The following KCNIP4 variants were observed in gnomAD, a reference collection of about 807,000 sequenced individuals.
KCNIP4 encodes potassium voltage-gated channel interacting protein 4.
KCNIP4 carries 12 observed loss-of-function variants against 34.0 expected under a neutral mutation model. That is an observed-to-expected ratio of 0.35 (90% confidence interval 0.23 to 0.57). KCNIP4 has a LOEUF of 0.57. Among genes scored for constraint, KCNIP4 ranks in the 20% least tolerant of loss-of-function variants. KCNIP4 has a pLI of 0.83. For missense variants in KCNIP4, 238 were observed against 311.7 expected, an observed-to-expected ratio of 0.76 and a Z score of 1.78; for synonymous variants, 124 against 102.2, an observed-to-expected ratio of 1.21 and a Z score of -1.29.
At chr4:20,769,533 A>G (rs968272100) in intron 3 of KCNIP4, among the ~76,000 whole-genome samples, 3 of 152,194 alleles carry the variant, frequency 2.0e-5, no homozygotes, top group Non-Finnish European at 4.4e-5. Context: ...AAAAAAGACA[A>G]TGGTGCCCTG....
chr4:21,731,326 A>G (rs1201188174), intron 1 of KCNIP4, among the ~76,000 whole-genome samples: 3 of 152,156 alleles, frequency 2.0e-5, no homozygotes, highest in African/African-American at 7.2e-5. Flanking sequence ...CTATACACAA[A>G]CGATATAGCA....
At chr4:21,404,086 A>T (rs1723767722) in intron 1 of KCNIP4, among the ~76,000 whole-genome samples, 1 of 151,900 alleles carries the variant, frequency 6.6e-6, no homozygotes, top group Non-Finnish European at 1.5e-5. Flanking sequence ...CTCCAAGCAC[A>T]CTCCCACCTG....
chr4:20,842,003 C>T (rs1719782712), intron 3 of KCNIP4, among the ~76,000 whole-genome samples: 1 of 152,126 alleles, frequency 6.6e-6, no homozygotes. Flanking sequence ...AAGAAGCTCC[C>T]TGCTCTAGTT....
chr4:20,779,551 C>A (rs1756663451), intron 3 of KCNIP4, among the ~76,000 whole-genome samples: 1 of 149,558 alleles, frequency 6.7e-6, no homozygotes, highest in Admixed American at 6.7e-5. Flanking sequence ...CTGGAACCTA[C>A]CTTACAAGTC....
chr4:21,472,735 C>CT (rs1730576344), intron 1 of KCNIP4, among the ~76,000 whole-genome samples: 1 of 151,580 alleles, frequency 6.6e-6, no homozygotes, highest in South Asian at 2.1e-4. Context: ...ATGCAGTCAG[C>CT]TAGATCTGTA....
chr4:20,757,421 G>C (rs1282657914), intron 4 of KCNIP4, among the ~76,000 whole-genome samples: 1 of 152,074 alleles, frequency 6.6e-6, no homozygotes, highest in Non-Finnish European at 1.5e-5. Context: ...GACTGTAAAA[G>C]ATCCCACTTA....
At chr4:20,732,595 C>G (rs1273282943) in intron 7 of KCNIP4, 86 bp downstream of exon 7, 1 of 816,614 alleles carries the variant, frequency 1.2e-6, no homozygotes, top group Non-Finnish European at 2.1e-6. Context: ...TTCCTTTGCT[C>G]TCTTTTGAAT....
intron 1 of KCNIP4, among the ~76,000 whole-genome samples, chr4:21,800,398 A>AT (rs1248884058): frequency 6.6e-6 from 1 of 152,158 alleles, no homozygotes; most frequent in Non-Finnish European, 1.5e-5. Flanking sequence ...CTTTACCATC[A>AT]TTTTCTTTCC....
chr4:21,059,882 T>C (rs1743763807), intron 1 of KCNIP4, among the ~76,000 whole-genome samples: 1 of 152,088 alleles, frequency 6.6e-6, no homozygotes, highest in African/African-American at 2.4e-5. Context: ...GGGTGAAGCG[T>C]TGACTGAAAC....
intron 1 of KCNIP4, among the ~76,000 whole-genome samples, chr4:21,111,826 C>T (rs762694228): frequency 3.3e-5 from 5 of 152,146 alleles, no homozygotes; most frequent in Non-Finnish European, 5.9e-5. Context: ...ACATGACCCA[C>T]GTCATGCCCA....
intron 1 of KCNIP4, among the ~76,000 whole-genome samples, chr4:21,095,708 T>C (rs192390152): frequency 6.9e-4 from 105 of 152,298 alleles, no homozygotes; most frequent in African/African-American, 2.4e-3. Flanking sequence ...TTTCTTTAGT[T>C]TTTCTTCTCC....
At chr4:21,425,017 A>G (rs902199414) in intron 1 of KCNIP4, among the ~76,000 whole-genome samples, 1 of 152,234 alleles carries the variant, frequency 6.6e-6, no homozygotes, top group Non-Finnish European at 1.5e-5. Flanking sequence ...TGTATTCAGT[A>G]CAGACATGAG....
chr4:21,378,108 ACTTAATAGC>A (rs1458308408), intron 1 of KCNIP4, among the ~76,000 whole-genome samples: 3 of 152,134 alleles, frequency 2.0e-5, no homozygotes, highest in Non-Finnish European at 4.4e-5. Context: ...TCTAGGTTAC[ACTTAATAGC>A]CTGCTGATTT....
chr4:21,361,640 G>A lies in KCNIP4; in HGVS notation c.62-478931C>T, dbSNP rs189855071. Among the ~76,000 whole-genome samples the A allele has an allele frequency of 1.7e-4, 26 of 151,342 alleles. 1 individual carries two copies. The highest frequency in any genetic ancestry group is 1.6e-3 in the Admixed American group (25 of 15,186). On this transcript the variant is annotated intron_variant, in intron 1 of 8. Coordinates refer to ENST00000382152, the MANE Select transcript of KCNIP4 (RefSeq NM_025221.6). Reference sequence around the variant, plus strand: ...GAGAACTAGTTACAATTTTTAAGCTGTCTGGAATCTTAAATCCTAAAGTCT... The same window carrying A: ...GAGAACTAGTTACAATTTTTAAGCTATCTGGAATCTTAAATCCTAAAGTCT...
rs141959590 is a variant in KCNIP4 at position 20,732,732 on chromosome 4, A to G, written c.591T>C (p.Tyr197=). Residue 197 remains tyrosine (Y), a synonymous_variant, in exon 7 of 9, where the codon TAT becomes TAC. Transcript: ENST00000382152. ...TGGGAGCATCTTCTTTGAGGACAGG[A>G]TATGTACATTTACCCATCATATCGT... ...AIYDMMGKCT[Y]PVLKEDAPRQ... The G allele has an allele frequency of 2.1e-5, 34 of 1,613,082 alleles. No homozygotes were observed. The Admixed American group carries it at 4.5e-4, about 21-fold the overall frequency.
chr4:21,264,555 T>A (rs1379002152), intron 1 of KCNIP4, among the ~76,000 whole-genome samples: 1 of 152,072 alleles, frequency 6.6e-6, no homozygotes, highest in Non-Finnish European at 1.5e-5. Flanking sequence ...CTGTGTAAAA[T>A]GAGGATGAAA....
At chr4:20,752,790 A>C (rs894272323) in intron 4 of KCNIP4, 1 of 152,244 alleles carries the variant, frequency 6.6e-6, no homozygotes, top group African/African-American at 2.4e-5. Flanking sequence ...CCAGCTAGGC[A>C]GAAAACTGGA....
chr4:20,900,517 G>A (rs954368258), intron 1 of KCNIP4, among the ~76,000 whole-genome samples: 6 of 152,164 alleles, frequency 3.9e-5, no homozygotes, highest in Admixed American at 2.0e-4. Flanking sequence ...AGAGAGGCAG[G>A]CTTCTCTTCA....
chr4:20,928,850 T>C (rs1577381734), intron 1 of KCNIP4, among the ~76,000 whole-genome samples: 1 of 151,814 alleles, frequency 6.6e-6, no homozygotes, highest in Non-Finnish European at 1.5e-5. Context: ...CAGGAAGAAA[T>C]AGAAAGCTTG....
Sources: gnomAD v4.1 joint callset for allele counts (sites outside exome capture counted in the v4.1 genomes callset) on GRCh38, gnomAD v4.1.1 for gene constraint, MANE v1.5 for transcripts, NCBI Gene and HGNC (gene_info 2026-07-23, HGNC 2026-07-21) for gene names.